CPNE8: variants seen among roughly 807,000 people sequenced by gnomAD.
The protein encoded by CPNE8 is copine-8.
CPNE8 carries 45 observed loss-of-function variants against 81.5 expected under a neutral mutation model. The ratio of observed to expected loss-of-function variants is 0.55; its 90% CI spans 0.44 to 0.71. The LOEUF (loss-of-function observed/expected upper bound fraction) is 0.71, where lower values mean the gene tolerates loss of function less well. CPNE8 is among the 30% of genes least tolerant of loss of function. CPNE8 has a pLI of 0.00. For missense variants in CPNE8, 594 were observed against 672.1 expected (o/e 0.88, Z 1.28); for synonymous variants, 252 against 226.3 (o/e 1.11, Z -1.02).
intron 13 of CPNE8, among the ~76,000 whole-genome samples, chr12:38,716,349 T>A (rs1940391465): frequency 6.6e-6 from 1 of 151,926 alleles, no homozygotes; most frequent in African/African-American, 2.4e-5. Context: ...AAATAAACAC[T>A]AAGCAAAAAG....
intron 3 of CPNE8, among the ~76,000 whole-genome samples, chr12:38,853,897 G>C (rs1943685826): frequency 6.6e-6 from 1 of 152,028 alleles, no homozygotes; most frequent in Non-Finnish European, 1.5e-5. Flanking sequence ...TGTTCAGAAA[G>C]TTTTAATATA....
intron 5 of CPNE8, among the ~76,000 whole-genome samples, chr12:38,835,323 G>A (rs190979204): frequency 8.3e-4 from 127 of 152,264 alleles, no homozygotes; most frequent in African/African-American, 2.9e-3. Context: ...AACCATGCTG[G>A]TTGGTTTAGG....
At chr12:38,725,130 C>T (rs891621640) in intron 11 of CPNE8, among the ~76,000 whole-genome samples, 1 of 152,264 alleles carries the variant, frequency 6.6e-6, no homozygotes, top group East Asian at 1.9e-4. Context: ...CTCACCTGTA[C>T]ATATTGATTA....
chr12:38,798,918 A>T (rs1942580358), intron 6 of CPNE8, among the ~76,000 whole-genome samples: 1 of 152,196 alleles, frequency 6.6e-6, no homozygotes, highest in African/African-American at 2.4e-5. Context: ...GATAAAACAG[A>T]CTTTAAACCA....
intron 3 of CPNE8, among the ~76,000 whole-genome samples, chr12:38,856,096 G>A (rs1159199428): frequency 6.6e-6 from 1 of 151,922 alleles, no homozygotes; most frequent in Non-Finnish European, 1.5e-5. Flanking sequence ...GAATAACCCA[G>A]AAGAAATGGA....
intron 13 of CPNE8, among the ~76,000 whole-genome samples, chr12:38,704,045 A>G (rs1940023549): frequency 1.3e-5 from 2 of 152,154 alleles, no homozygotes; most frequent in African/African-American, 4.8e-5. Flanking sequence ...TGCGAGCTAA[A>G]CATTGGGTAC....
At chr12:38,751,265 T>A (rs1481526043) in intron 10 of CPNE8, among the ~76,000 whole-genome samples, 1 of 152,208 alleles carries the variant, frequency 6.6e-6, no homozygotes, top group Non-Finnish European at 1.5e-5. Flanking sequence ...CAGGTATGTC[T>A]TTGTCAGCAG....
intron 10 of CPNE8, among the ~76,000 whole-genome samples, 195 bp from the exon 11 acceptor site, chr12:38,730,553 G>A (rs761501774): frequency 4.2e-4 from 64 of 151,308 alleles, no homozygotes; most frequent in Middle Eastern, 3.4e-3. Flanking sequence ...TATGTATGCC[G>A]GACAATTTCA....
rs111254412 is a variant in CPNE8, at chr12:38,797,438, G to C, written c.408-21137C>G. Among the ~76,000 whole-genome samples the C allele has an allele frequency of 3.0e-3, 463 of 152,262 alleles. 3 individuals carry two copies. Among genetic ancestry groups the C allele is most frequent in the Admixed American group, 6.0e-3 (92 of 15,292 alleles). ...ACGGCTGCGGATACCCAGGCAAACA[G>C]GGTCTGGAGTGGACCTCCAGCAAAC... On this transcript the variant is annotated intron_variant, in intron 6 of 19. Transcript: ENST00000331366.
intron 8 of CPNE8, among the ~76,000 whole-genome samples, chr12:38,764,633 A>G (rs896296189): frequency 7.7e-5 from 11 of 143,756 alleles, no homozygotes; most frequent in African/African-American, 1.5e-4. Flanking sequence ...AAAAAAAAAA[A>G]AAAAAAGAAA....
intron 6 of CPNE8, among the ~76,000 whole-genome samples, chr12:38,776,933 A>G (rs1941950446): frequency 6.6e-6 from 1 of 152,144 alleles, no homozygotes; most frequent in Non-Finnish European, 1.5e-5. Context: ...ATAATACTTG[A>G]CAATGATAGT....
intron 3 of CPNE8, among the ~76,000 whole-genome samples, chr12:38,850,207 A>T (rs1943624297): frequency 6.6e-6 from 1 of 152,172 alleles, no homozygotes; most frequent in Non-Finnish European, 1.5e-5. Flanking sequence ...GCTGGGAGGA[A>T]AAACTGTTTC....
At chr12:38,807,717 A>T (rs149277260) in intron 6 of CPNE8, among the ~76,000 whole-genome samples, 12,142 of 151,184 alleles carry the variant, frequency 0.08, 632 homozygotes, top group East Asian at 0.28. Context: ...CTAAAACACC[A>T]AAAGCAATGG....
intron 15 of CPNE8, among the ~76,000 whole-genome samples, chr12:38,689,027 G>A (rs558743016): frequency 6.6e-6 from 1 of 152,146 alleles, no homozygotes; most frequent in Non-Finnish European, 1.5e-5. Context: ...ATCAGTTATT[G>A]CTTGTTAAAA....
chr12:38,697,859 T>C (rs1444988619), intron 14 of CPNE8, among the ~76,000 whole-genome samples: 1 of 152,186 alleles, frequency 6.6e-6, no homozygotes, highest in East Asian at 1.9e-4. Context: ...CCCCTTTGCA[T>C]TCCATCATGA....
intron 2 of CPNE8, among the ~76,000 whole-genome samples, chr12:38,873,706 A>G (rs1404693171): frequency 5.3e-5 from 8 of 152,144 alleles, no homozygotes; most frequent in East Asian, 3.9e-4. Context: ...TAATTCAACC[A>G]TATTTGTTCA....
intron 19 of CPNE8, among the ~76,000 whole-genome samples, chr12:38,661,201 A>T (rs1300337630): frequency 2.6e-5 from 4 of 152,192 alleles, no homozygotes; most frequent in Admixed American, 6.5e-5. Context: ...AAGACTTGGA[A>T]CCAACCCAAA....
At chr12:38,846,065 A>G (rs1943555195) in intron 4 of CPNE8, among the ~76,000 whole-genome samples, 1 of 152,190 alleles carries the variant, frequency 6.6e-6, no homozygotes, top group Non-Finnish European at 1.5e-5. Flanking sequence ...TTTACTTAAC[A>G]TTAATTTATG....
chr12:38,669,747 CT>C (rs1485075595), intron 19 of CPNE8, among the ~76,000 whole-genome samples: 1 of 152,200 alleles, frequency 6.6e-6, no homozygotes, highest in East Asian at 1.9e-4. Context: ...AACTGCCAAA[CT>C]TTACCCTTAT....
Sources: gnomAD v4.1 joint callset for allele counts (sites outside exome capture counted in the v4.1 genomes callset) on GRCh38, gnomAD v4.1.1 for gene constraint, MANE v1.5 for transcripts, NCBI Gene and HGNC (gene_info 2026-07-23, HGNC 2026-07-21) for gene names.